Variants in SCFD2 observed in about 807,000 individuals in gnomAD.
SCFD2 encodes sec1 family domain containing 2, also known as sec1 family domain-containing protein 2.
SCFD2 carries 54 observed loss-of-function variants against 58.9 expected under a neutral mutation model. The observed-to-expected ratio is 0.92, with a 90% CI of 0.74 to 1.15. The LOEUF (loss-of-function observed/expected upper bound fraction) is 1.15. Ranked by LOEUF, SCFD2 falls within the 50% of genes most tolerant of loss-of-function variation. SCFD2 has a pLI of 0.00. For missense variants in SCFD2, 805 were observed against 836.6 expected, an observed-to-expected ratio of 0.96 and a Z score of 0.47; for synonymous variants, 321 against 335.9, an observed-to-expected ratio of 0.96 and a Z score of 0.49.
chr4:53,222,122 C>T (rs939732594), intron 4 of SCFD2, among the ~76,000 whole-genome samples: 12 of 152,214 alleles, frequency 7.9e-5, no homozygotes, highest in Non-Finnish European at 1.5e-4. Flanking sequence ...ACCATCTCAT[C>T]TGGATTATGT....
intron 4 of SCFD2, among the ~76,000 whole-genome samples, chr4:53,256,064 G>C (rs1477714708): frequency 6.7e-6 from 1 of 149,866 alleles, no homozygotes; most frequent in African/African-American, 2.5e-5. Flanking sequence ...CCTGGTGGGG[G>C]CTGACCCCCA....
At chr4:53,079,864 A>C (rs1324042902) in intron 5 of SCFD2, among the ~76,000 whole-genome samples, 3 of 152,196 alleles carry the variant, frequency 2.0e-5, no homozygotes, top group Non-Finnish European at 2.9e-5. Flanking sequence ...GGGATGTTTG[A>C]TGACTATATG....
chr4:52,899,233 T>C (rs1719112762), intron 7 of SCFD2, among the ~76,000 whole-genome samples: 1 of 152,226 alleles, frequency 6.6e-6, no homozygotes, highest in Non-Finnish European at 1.5e-5. Flanking sequence ...TGATGCAGTT[T>C]CTTCCTAGCC....
chr4:53,053,013 G>A (rs1462100599), intron 5 of SCFD2, among the ~76,000 whole-genome samples: 2 of 152,102 alleles, frequency 1.3e-5, no homozygotes, highest in African/African-American at 4.8e-5. Context: ...CTTGCGGTCA[G>A]GAGTTCAAGA....
chr4:53,190,108 T>C (rs1167620301), intron 4 of SCFD2, among the ~76,000 whole-genome samples: 3 of 152,210 alleles, frequency 2.0e-5, no homozygotes, highest in Non-Finnish European at 4.4e-5. Flanking sequence ...TTAACTGATC[T>C]GAATCCCTCC....
chr4:53,202,924 G>A (rs1728294924), intron 4 of SCFD2, among the ~76,000 whole-genome samples: 2 of 152,160 alleles, frequency 1.3e-5, no homozygotes, highest in South Asian at 4.1e-4. Flanking sequence ...AGGAGATTTT[G>A]GGCTGAGACA....
At chr4:53,232,418 T>C (rs1729467736) in intron 4 of SCFD2, among the ~76,000 whole-genome samples, 1 of 152,160 alleles carries the variant, frequency 6.6e-6, no homozygotes, top group South Asian at 2.1e-4. Context: ...TTTGGCAATT[T>C]TGTTTTGCTT....
At chr4:52,997,655 A>G (rs1322875779) in intron 5 of SCFD2, among the ~76,000 whole-genome samples, 1 of 152,224 alleles carries the variant, frequency 6.6e-6, no homozygotes, top group Non-Finnish European at 1.5e-5. Context: ...GGCCTGGGGA[A>G]AACAGGTTCC....
rs1433578467 is a variant in SCFD2 at position 53,034,649 on chromosome 4, C to T, written c.1561+110684G>A. 3.3e-5 allele frequency among the ~76,000 whole-genome samples: 5 copies of T among 152,098 alleles called. No homozygotes were observed. In the East Asian group the frequency reaches 9.6e-4, roughly 29 times the overall value. On this transcript the variant is annotated intron_variant, in intron 5 of 8. Transcript: ENST00000401642. ...TGTTTCAGGATACAAAATCAATGTGCAAAGATCACAAGCATTCCTATACAC... is the reference window on the plus strand; with the variant it reads ...TGTTTCAGGATACAAAATCAATGTGTAAAGATCACAAGCATTCCTATACAC...
At chr4:53,337,806 G>A (rs1263896863) in intron 2 of SCFD2, among the ~76,000 whole-genome samples, 1 of 152,068 alleles carries the variant, frequency 6.6e-6, no homozygotes. Context: ...TGACACAAGA[G>A]TATACACTAT....
intron 4 of SCFD2, among the ~76,000 whole-genome samples, chr4:53,239,754 G>C (rs1425584279): frequency 6.6e-6 from 1 of 152,144 alleles, no homozygotes; most frequent in African/African-American, 2.4e-5. Context: ...GGGATTACAG[G>C]CATGAGGCAC....
At chr4:53,282,201 T>C (rs991310620) in intron 3 of SCFD2, among the ~76,000 whole-genome samples, 17 of 152,178 alleles carry the variant, frequency 1.1e-4, no homozygotes, top group Admixed American at 1.1e-3. Flanking sequence ...CCTATTTAAT[T>C]TGAATACAGT....
intron 5 of SCFD2, among the ~76,000 whole-genome samples, chr4:53,002,733 G>A (rs1721890102): frequency 6.6e-6 from 1 of 152,142 alleles, no homozygotes; most frequent in South Asian, 2.1e-4. Flanking sequence ...CAAGGTCAGA[G>A]ACCTGTTGTA....
At chr4:53,118,022 A>C (rs1725373053) in intron 5 of SCFD2, among the ~76,000 whole-genome samples, 1 of 152,160 alleles carries the variant, frequency 6.6e-6, no homozygotes, top group South Asian at 2.1e-4. Flanking sequence ...AATTCACCCA[A>C]AACAACCCCA....
intron 5 of SCFD2, among the ~76,000 whole-genome samples, chr4:53,131,331 C>T (rs1169336763): frequency 6.6e-6 from 1 of 152,094 alleles, no homozygotes; most frequent in African/African-American, 2.4e-5. Flanking sequence ...GATAGAAGGC[C>T]ATGGGCCAAT....
chr4:53,299,621 G>C (rs1433945980), intron 3 of SCFD2, among the ~76,000 whole-genome samples: 1 of 151,866 alleles, frequency 6.6e-6, no homozygotes, highest in East Asian at 1.9e-4. Context: ...TCCTCGAGAA[G>C]AGCAACTCCA....
chr4:53,273,752 T>C, intron 4 of SCFD2, 74 bp downstream of exon 4: 3 of 1,304,182 alleles, frequency 2.3e-6, no homozygotes, highest in Non-Finnish European at 3.2e-6. Flanking sequence ...AAGGCTATAA[T>C]AAATGTCAAG....
At chr4:53,127,950 T>G (rs573736170) in intron 5 of SCFD2, among the ~76,000 whole-genome samples, 48 of 150,630 alleles carry the variant, frequency 3.2e-4, no homozygotes, top group East Asian at 5.8e-4. Context: ...TTTGTTTTTT[T>G]TTTTTTTTAG....
chr4:53,009,262 T>C (rs1343503963), intron 5 of SCFD2, among the ~76,000 whole-genome samples: 1 of 152,204 alleles, frequency 6.6e-6, no homozygotes, highest in African/African-American at 2.4e-5. Flanking sequence ...TTAATAATCT[T>C]AGAGTCCTAT....
Sources: allele counts gnomAD v4.1 joint callset (sites outside exome capture counted in the v4.1 genomes callset), GRCh38; gene constraint gnomAD v4.1.1; transcripts MANE v1.5; gene names NCBI Gene and HGNC (gene_info 2026-07-23, HGNC 2026-07-21).